FAM114A1: variants seen among roughly 807,000 people sequenced by gnomAD.
FAM114A1 encodes protein NOXP20.
A neutral mutation model predicts 64.3 loss-of-function variants in FAM114A1; 62 were observed. The observed-to-expected ratio is 0.96, with a 90% CI of 0.79 to 1.19. The LOEUF (loss-of-function observed/expected upper bound fraction) is 1.19, where lower values mean the gene tolerates loss of function less well. Among genes scored for constraint, FAM114A1 ranks in the 50% most tolerant of loss-of-function variants. The pLI is 0.00. For synonymous variants in FAM114A1, 254 were observed against 251.1 expected, an observed-to-expected ratio of 1.01 and a Z score of -0.11; for missense variants, 645 against 676.3, an observed-to-expected ratio of 0.95 and a Z score of 0.51.
chr4:38,885,926 AAG>A (rs1715753198), intron 3 of FAM114A1, among the ~76,000 whole-genome samples: 1 of 152,232 alleles, frequency 6.6e-6, no homozygotes, highest in Non-Finnish European at 1.5e-5. Context: ...AGATGGTAAA[AAG>A]GAAAAAAAGT....
chr4:38,917,773 G>A (rs955022570), intron 8 of FAM114A1, among the ~76,000 whole-genome samples: 1 of 152,208 alleles, frequency 6.6e-6, no homozygotes, highest in African/African-American at 2.4e-5. Context: ...TTTCTAGGAA[G>A]AAGGTTCGGC....
intron 2 of FAM114A1, among the ~76,000 whole-genome samples, 176 bp from the exon 3 acceptor site, chr4:38,877,895 C>T (rs1276668614): frequency 6.7e-6 from 1 of 148,800 alleles, no homozygotes; most frequent in African/African-American, 2.5e-5. Flanking sequence ...ACCTGGGAGG[C>T]GGAGGTTGCA....
At chr4:38,923,004 T>C in intron 9 of FAM114A1, 111 bp downstream of exon 9, 1 of 1,252,678 alleles carries the variant, frequency 8.0e-7, no homozygotes, top group Non-Finnish European at 1.1e-6. Context: ...TCCTCCTCCA[T>C]GCTTCCAAAA....
chr4:38,877,930 C>T (rs1399452731), intron 2 of FAM114A1, 141 bp from the exon 3 acceptor site: 2 of 688,746 alleles, frequency 2.9e-6, no homozygotes, highest in South Asian at 2.0e-5. Context: ...TGCCATTGCA[C>T]TCCAGCCTAG....
chr4:38,929,139 T>G (rs1720408684), intron 9 of FAM114A1, 103 bp from the exon 10 acceptor site: 4 of 879,858 alleles, frequency 4.5e-6, no homozygotes, highest in Non-Finnish European at 7.5e-6. Context: ...TGCTACAACC[T>G]CCACTTAGTC....
intron 13 of FAM114A1, among the ~76,000 whole-genome samples, chr4:38,937,590 T>C (rs887802732): frequency 2.5e-4 from 38 of 152,234 alleles, no homozygotes; most frequent in African/African-American, 9.2e-4. Context: ...AGGACTTCAA[T>C]ATGTCTTTTT....
At chr4:38,907,712 A>G (rs949367653) in intron 6 of FAM114A1, among the ~76,000 whole-genome samples, 4 of 152,186 alleles carry the variant, frequency 2.6e-5, no homozygotes, top group African/African-American at 9.6e-5. Context: ...AATTATGAAG[A>G]TTGGAAAATG....
chr4:38,919,199 T>A (rs1719352641), intron 8 of FAM114A1, among the ~76,000 whole-genome samples: 1 of 152,122 alleles, frequency 6.6e-6, no homozygotes, highest in Non-Finnish European at 1.5e-5. Flanking sequence ...AAACAAATTG[T>A]TAAAGAAAAT....
intron 6 of FAM114A1, among the ~76,000 whole-genome samples, chr4:38,908,032 C>T (rs1167587122): frequency 6.6e-6 from 1 of 152,120 alleles, no homozygotes; most frequent in African/African-American, 2.4e-5. Flanking sequence ...CATGGATATA[C>T]TAATTATAGG....
At position 38,875,432 on chromosome 4, in the gene FAM114A1, A is replaced by G. The variant is rs190911477; in HGVS notation, c.-8-2639A>G. On this transcript the variant is annotated intron_variant, in intron 2 of 14. Coordinates refer to ENST00000358869, the MANE Select transcript of FAM114A1 (RefSeq NM_138389.4). ...TACGTATTTTGTTCTTTTTGTGGCT[A>G]TTGTGAATGGAATTGCATTCTTGAT... is the stretch of plus-strand genomic sequence containing the variant. Among the ~76,000 whole-genome samples the G allele has an allele frequency of 3.8e-3, 576 of 152,242 alleles. 5 individuals are homozygous for G. The highest frequency in any genetic ancestry group is 0.013 in the African/African-American group (533 of 41,518).
At position 38,943,526 on chromosome 4, in the gene FAM114A1, T is replaced by C. The variant is rs1472448966; in HGVS notation, c.1661T>C (p.Ile554Thr). The C allele has an allele frequency of 5.0e-6, 8 of 1,614,002 alleles. No homozygotes were observed. Among genetic ancestry groups the C allele is most frequent in the Non-Finnish European group, 6.8e-6 (8 of 1,179,954 alleles). The change falls in exon 15 of 15, where the codon ATC becomes ACC. Residue 554 changes from isoleucine to threonine, a missense_variant. By Grantham distance (89) the Ile-to-Thr change is moderately conservative. Coordinates refer to ENST00000358869, the MANE Select transcript of FAM114A1 (RefSeq NM_138389.4). ...CTGCCTGTTCTGCAGGTCTCACATA[T>C]CCAGACCAGTTGTTTGAAAGCACAG... ...LLLPVLQVSH[I>T]QTSCLKAQP
intron 2 of FAM114A1, among the ~76,000 whole-genome samples, chr4:38,877,159 G>A (rs951184674): frequency 6.6e-6 from 1 of 152,148 alleles, no homozygotes; most frequent in African/African-American, 2.4e-5. Flanking sequence ...CTAGTTTTGT[G>A]GAAGACAATT....
chr4:38,931,615 A>G lies in FAM114A1; in HGVS notation c.1323+3A>G. ...AAAAGAAAACTAAGACCATAGAGGT[A>G]AATTCATTCTAGATTGTCTGCCTAC... is the stretch of plus-strand genomic sequence containing the variant. On this transcript the variant is annotated splice_donor_region_variant and intron_variant, in intron 11 of 14. Transcript: ENST00000358869. 6.2e-7 allele frequency: 1 copy of G among 1,610,184 alleles called. No individual in the cohort carries two copies. The highest frequency in any genetic ancestry group is 8.5e-7 in the Non-Finnish European group (1 of 1,178,632).
intron 8 of FAM114A1, 67 bp from the exon 9 acceptor site, chr4:38,922,703 C>A: frequency 2.0e-6 from 3 of 1,536,284 alleles, no homozygotes; most frequent in South Asian, 2.6e-5. Context: ...AACTGGGGAC[C>A]GCTGTGTGTA....
intron 3 of FAM114A1, among the ~76,000 whole-genome samples, chr4:38,880,762 T>A (rs577351213): frequency 2.0e-5 from 3 of 152,328 alleles, no homozygotes; most frequent in East Asian, 1.9e-4. Context: ...AAATATAACT[T>A]AGCCACACCA....
At chr4:38,940,841 A>G (rs894586452) in intron 13 of FAM114A1, 127 bp from the exon 14 acceptor site, 2 of 936,596 alleles carry the variant, frequency 2.1e-6, no homozygotes, top group African/African-American at 1.6e-5. Context: ...GTCTGTAGGA[A>G]GCATTCTGCT....
At chr4:38,874,834 T>C (rs760651321) in intron 2 of FAM114A1, among the ~76,000 whole-genome samples, 3 of 152,226 alleles carry the variant, frequency 2.0e-5, no homozygotes, top group Non-Finnish European at 2.9e-5. Context: ...TTAGTCCATC[T>C]TGAGTTTATT....
intron 6 of FAM114A1, 57 bp downstream of exon 6, chr4:38,905,918 T>C: frequency 6.8e-7 from 1 of 1,465,396 alleles, no homozygotes; most frequent in Non-Finnish European, 9.3e-7. Flanking sequence ...CTTCTTTTGA[T>C]ATTTCCATTT....
At position 38,922,770 on chromosome 4, in the gene FAM114A1, G is replaced by T. The variant is rs141668775; in HGVS notation, c.946G>T (p.Val316Phe). 4 of 1,607,190 alleles carry T rather than the reference G, an allele frequency of 2.5e-6. No individual in the cohort carries two copies. The highest frequency in any genetic ancestry group is 2.2e-5 in the East Asian group (1 of 44,816). ...EILSNESESK[V>F]QSFLASLDGE... ...CGTGCTGACCTATTTCTTTTTTCAG[G>T]TTCAGTCATTTTTAGCATCACTTGA... The change falls in exon 9 of 15, where the codon GTT (valine) becomes TTT (phenylalanine). Residue 316 changes from valine to phenylalanine, a missense_variant and splice_region_variant. Transcript: ENST00000358869.
Sources: gnomAD v4.1 joint callset for allele counts (sites outside exome capture counted in the v4.1 genomes callset) on GRCh38, gnomAD v4.1.1 for gene constraint, MANE v1.5 for transcripts, NCBI Gene and HGNC (gene_info 2026-07-23, HGNC 2026-07-21) for gene names.